LRRC43: variants seen among roughly 807,000 people sequenced by gnomAD.
LRRC43 encodes leucine rich repeat containing 43.
LRRC43 carries 62 observed loss-of-function variants against 64.3 expected under a neutral mutation model. The observed-to-expected ratio is 0.96, with a 90% confidence interval of 0.79 to 1.19. The LOEUF is 1.19. Ranked by LOEUF, LRRC43 falls within the 50% of genes most tolerant of loss-of-function variation. The pLI, the probability that LRRC43 is intolerant of heterozygous loss-of-function variation, is 0.00. For missense variants in LRRC43, 868 were observed against 845.0 expected (o/e 1.03, Z -0.34); for synonymous variants, 422 against 382.3 (o/e 1.10, Z -1.21).
chr12:122,179,766 G>A (rs549169994), upstream of LRRC43, among the ~76,000 whole-genome samples: 2 of 151,694 alleles, frequency 1.3e-5, no homozygotes, highest in South Asian at 2.1e-4. Context: ...AGGTCAAAAG[G>A]TCGAGACCAT....
chr12:122,202,553 G>C (rs1454881254), intron 11 of LRRC43: 3 of 152,098 alleles, frequency 2.0e-5, no homozygotes, highest in Admixed American at 6.6e-5. Flanking sequence ...TGAGTTACTT[G>C]TAAACTACAG....
intron 1 of LRRC43, chr12:122,174,042 C>T (rs1953514768): frequency 2.5e-6 from 4 of 1,613,276 alleles, no homozygotes; most frequent in Non-Finnish European, 3.4e-6. Flanking sequence ...CCCCTGCCCA[C>T]CCTGGCTCCA....
At chr12:122,190,005 CA>C (rs975344179) in intron 4 of LRRC43, 124 bp from the exon 5 acceptor site, 6 of 806,160 alleles carry the variant, frequency 7.4e-6, no homozygotes, top group East Asian at 2.4e-5. Context: ...AAGGGTAGGA[CA>C]GGGGTGCAGG....
upstream of LRRC43, among the ~76,000 whole-genome samples, chr12:122,182,849 T>G (rs1339590778): frequency 6.6e-6 from 1 of 152,172 alleles, no homozygotes; most frequent in East Asian, 1.9e-4. Context: ...TTGGGCCCTC[T>G]TCTCCTTTCT....
upstream of LRRC43, among the ~76,000 whole-genome samples, chr12:122,182,789 G>A (rs1026080907): frequency 1.3e-4 from 20 of 152,206 alleles, no homozygotes; most frequent in African/African-American, 3.6e-4. Flanking sequence ...TCCAGGGTTA[G>A]AGAGACCACC....
chr12:122,203,394 G>A lies in LRRC43; in HGVS notation c.1923G>A (p.Leu641=). The change falls in exon 12 of 12, where the codon CTG becomes CTA. Residue 641 remains leucine (L), a synonymous_variant. Coordinates refer to ENST00000339777, the MANE Select transcript of LRRC43 (RefSeq NM_001098519.2). ...EPLTVEVQIQ[L]NQCRSAEEAL... ...TGACCGTAGAGGTGCAGATCCAGCT[G>A]AACCAGTGCCGCTCGGCGGAGGAGG... 6.2e-7 allele frequency: 1 copy of A among 1,612,852 alleles called. No individual in the cohort carries two copies.
chr12:122,182,377 C>T (rs893737626), upstream of LRRC43, among the ~76,000 whole-genome samples: 4 of 151,926 alleles, frequency 2.6e-5, no homozygotes, highest in Admixed American at 1.3e-4. Context: ...TACACATTAG[C>T]GGGGCGTTGT....
intron 1 of LRRC43, chr12:122,174,126 A>G: frequency 6.2e-7 from 1 of 1,614,112 alleles, no homozygotes; most frequent in Non-Finnish European, 8.5e-7. Flanking sequence ...GATGATGCCC[A>G]AGACTCCGGA....
At chr12:122,194,558 C>G (rs1393124191) in intron 7 of LRRC43, among the ~76,000 whole-genome samples, 4 of 142,204 alleles carry the variant, frequency 2.8e-5, no homozygotes, top group Admixed American at 7.0e-5. Flanking sequence ...AAGAAAGAAG[C>G]TCCGTCTCAA....
Position 122,190,144 on chromosome 12 carries a change from C to T in LRRC43, c.677C>T (p.Ser226Phe), listed in dbSNP as rs1008096430. The T allele has an allele frequency of 2.5e-6, 4 of 1,614,102 alleles. No homozygotes were observed. In the Admixed American group the frequency reaches 5.0e-5, roughly 20 times the overall value. ...TCACCTTCCAGGCCCAACCTCGTCT[C>T]CCTGGACCTGGGCTTCAACGACCTG... ...VTANHWPNLV[S>F]LDLGFNDLTD... The change falls in exon 5 of 12, where the codon TCC (serine) becomes TTC (phenylalanine). Residue 226 changes from serine to phenylalanine, a missense_variant. Physicochemically the swap from Ser to Phe is radical, Grantham distance 155 (BLOSUM62 -2). Coordinates refer to ENST00000339777, the MANE Select transcript of LRRC43 (RefSeq NM_001098519.2).
In LRRC43 at chr12:122,192,951, A is replaced by G; in HGVS notation, c.1296A>G (p.Glu432=). 1 of 1,613,808 alleles carries G rather than the reference A, an allele frequency of 6.2e-7. No homozygotes were observed. Among genetic ancestry groups the G allele is most frequent in the Non-Finnish European group, 8.5e-7 (1 of 1,179,748 alleles). ...TILQMPRASA[E]ELAKLRLRID... is the part of the protein sequence containing the mutation. The stretch of plus-strand genomic sequence containing the variant: ...TGCAGATGCCGAGGGCCTCTGCAGA[A>G]GAGCTGGCCAAGTTGAGGCTGCGTA... Residue 432 remains glutamate (E), a synonymous_variant, in exon 7 of 12, where the codon GAA becomes GAG. Coordinates refer to ENST00000339777, the MANE Select transcript of LRRC43 (RefSeq NM_001098519.2).
At chr12:122,198,122 A>G (rs575825743) in intron 7 of LRRC43, among the ~76,000 whole-genome samples, 3 of 152,114 alleles carry the variant, frequency 2.0e-5, no homozygotes, top group Admixed American at 6.5e-5. Flanking sequence ...CTGGAATTAC[A>G]GGTGCCCACC....
intron 1 of LRRC43, among the ~76,000 whole-genome samples, chr12:122,170,625 T>C (rs1296276075): frequency 1.3e-5 from 2 of 151,736 alleles, no homozygotes; most frequent in South Asian, 4.2e-4. Context: ...AGTGAGACTC[T>C]CCGAAGGAAA....
At chr12:122,177,706 T>C (rs1373359992) in intron 1 of LRRC43, among the ~76,000 whole-genome samples, 1 of 152,004 alleles carries the variant, frequency 6.6e-6, no homozygotes, top group Non-Finnish European at 1.5e-5. Flanking sequence ...GATCTCACCA[T>C]GTTGCCCAGG....
chr12:122,171,078 T>G (rs1050706456), intron 1 of LRRC43, among the ~76,000 whole-genome samples: 1 of 152,210 alleles, frequency 6.6e-6, no homozygotes, highest in Non-Finnish European at 1.5e-5. Context: ...GACAAAATCT[T>G]TGGACCTGGC....
intron 1 of LRRC43, chr12:122,172,195 C>A: frequency 2.0e-6 from 1 of 494,978 alleles, no homozygotes; most frequent in Non-Finnish European, 3.6e-6. Context: ...AAAAGCATTC[C>A]ATAAATACCA....
At chr12:122,173,500 G>A (rs1387431609) in intron 1 of LRRC43, among the ~76,000 whole-genome samples, 4 of 152,134 alleles carry the variant, frequency 2.6e-5, no homozygotes, top group Non-Finnish European at 4.4e-5. Context: ...CCTGGCCAAC[G>A]TGGAGAAACT....
chr12:122,180,958 G>C (rs1280820094), upstream of LRRC43, among the ~76,000 whole-genome samples: 1 of 152,174 alleles, frequency 6.6e-6, no homozygotes, highest in African/African-American at 2.4e-5. Flanking sequence ...GCTCACGCCT[G>C]TGATCTCAGC....
rs1397756188 is a variant in LRRC43, at chr12:122,200,785, G to C, written c.1660G>C (p.Glu554Gln). The C allele has an allele frequency of 1.9e-6, 3 of 1,612,944 alleles. No individual in the cohort carries two copies. Among genetic ancestry groups the C allele is most frequent in the Non-Finnish European group, 2.5e-6 (3 of 1,180,022 alleles). ...GAAGAAGAAGAAAGAGCCGCCCAAGGAGCTCCGGCAGGACCCCCCCATCCT... is the reference window on the plus strand; with the variant it reads ...GAAGAAGAAGAAAGAGCCGCCCAAGCAGCTCCGGCAGGACCCCCCCATCCT... ...VLKKKKEPPKELRQDPPILQV... is the reference protein window; with the variant it reads ...VLKKKKEPPKQLRQDPPILQV... The change falls in exon 10 of 12, where the codon GAG becomes CAG. Residue 554 changes from glutamate to glutamine, a missense_variant. By Grantham distance (29) the Glu-to-Gln change is conservative. Coordinates refer to ENST00000339777, the MANE Select transcript of LRRC43 (RefSeq NM_001098519.2). The surrounding 1 kb of genome is among the most constrained non-coding windows in gnomAD (Gnocchi z 4.6).
Sources: allele counts gnomAD v4.1 joint callset (sites outside exome capture counted in the v4.1 genomes callset), GRCh38; gene constraint gnomAD v4.1.1; non-coding constraint Gnocchi (gnomAD v3.1); transcripts MANE v1.5; gene names NCBI Gene and HGNC (gene_info 2026-07-23, HGNC 2026-07-21).